Variants in HDAC2 observed in about 807,000 individuals in gnomAD.
The protein encoded by HDAC2 is histone deacetylase 2, also known as YY1-associated factor 1.
HDAC2 carries 5 observed loss-of-function variants against 68.5 expected under a neutral mutation model. That is an observed-to-expected ratio of 0.07 (90% CI 0.04 to 0.15). The LOEUF (loss-of-function observed/expected upper bound fraction) is 0.15. Among genes scored for constraint, HDAC2 ranks in the 10% least tolerant of loss-of-function variants. The pLI, the probability that HDAC2 is intolerant of heterozygous loss-of-function variation, is 1.00. For missense variants in HDAC2, 291 were observed against 600.8 expected, an observed-to-expected ratio of 0.48 and a Z score of 5.39; for synonymous variants, 182 against 191.3, an observed-to-expected ratio of 0.95 and a Z score of 0.40.
chr6:113,955,219 CTTT>C lies in HDAC2; in HGVS notation c.497+791_497+793del, dbSNP rs556132247. On this transcript the variant is annotated intron_variant, in intron 5 of 13. Transcript: ENST00000519065. ...TTGACATTTATATACACTTCTAATT[CTTT>C]TTTTTTTTTGAGATGGAGTCTCACT... Among the ~76,000 whole-genome samples, 109 of 146,186 alleles carry C rather than the reference CTTT, an allele frequency of 7.5e-4. 1 individual carries two copies. The South Asian group carries it at 0.023, about 31-fold the overall frequency.
In HDAC2 at chr6:113,937,287, T is replaced by A. The variant is rs1776022912; in HGVS notation, c.*3771A>T. ...CAGCAGTATTACTACATCAAAACCA[T>A]AAAAAACAGAAGATGTAGGTGACTA... On this transcript the variant is annotated 3_prime_UTR_variant, in exon 14 of 14. Transcript: ENST00000519065. 1 of 152,142 alleles carries A rather than the reference T, an allele frequency of 6.6e-6. No individual in the cohort carries two copies. Among genetic ancestry groups the A allele is most frequent in the African/African-American group, 2.4e-5 (1 of 41,450 alleles). The allele number at this position is 152,142 out of a possible 1,614,324, so 9.4% of individuals were successfully genotyped here. A position where few individuals can be genotyped will look rare whatever the true frequency, so the allele number is the denominator to read the frequency against.
chr6:113,953,126 A>T (rs560598601), intron 6 of HDAC2, 151 bp downstream of exon 6: 129 of 558,710 alleles, frequency 2.3e-4, no homozygotes, highest in Non-Finnish European at 3.4e-4. Context: ...GCAACAGTGA[A>T]TTCTAGCAAA....
At chr6:113,970,788 C>CG in intron 1 of HDAC2, 69 bp downstream of exon 1, 1 of 1,446,102 alleles carries the variant, frequency 6.9e-7, no homozygotes, top group Non-Finnish European at 9.0e-7. Context: ...GGCGCCCACT[C>CG]GCGACGGCAG....
chr6:113,967,207 C>A (rs1293928685), intron 1 of HDAC2, among the ~76,000 whole-genome samples: 2 of 152,164 alleles, frequency 1.3e-5, no homozygotes, highest in Non-Finnish European at 1.5e-5. Flanking sequence ...TGGCTCACTG[C>A]AACCTGCACC....
rs770249505 is a variant in HDAC2, at chr6:113,956,628, C to T, written c.349G>A (p.Gly117Ser). Residue 117 changes from glycine (G) to serine (S), a missense_variant, in exon 4 of 14, where the codon GGT becomes AGT. By Grantham distance (56) the Gly-to-Ser change is moderately conservative (BLOSUM62 0). Coordinates refer to ENST00000519065, the MANE Select transcript of HDAC2 (RefSeq NM_001527.4). ...LFEFCQLSTG[G>S]SVAGAVKLNR... is the part of the protein sequence containing the mutation. The stretch of plus-strand genomic sequence containing the variant: ...TTGCATTAGCACTTACCAACTGAAC[C>T]GCCAGTTGAGAGCTGACAAAACTCA... 3.7e-6 allele frequency: 6 copies of T among 1,609,170 alleles called. No homozygotes were observed. Among genetic ancestry groups the T allele is most frequent in the South Asian group, 1.1e-5 (1 of 90,960 alleles).
chr6:113,938,305 TCTA>T lies in HDAC2; in HGVS notation c.*2750_*2752del, dbSNP rs1776051046. ...TTCACATCCTTATACATTTTGTTCC[TCTA>T]CTATCTTTAGATATGAGCCTTTTGA... On this transcript the variant is annotated 3_prime_UTR_variant, in exon 14 of 14. Transcript: ENST00000519065. 6.6e-6 allele frequency: 1 copy of T among 152,234 alleles called. No homozygotes were observed. Among genetic ancestry groups the T allele is most frequent in the South Asian group, 2.1e-4 (1 of 4,830 alleles). The allele number at this position is 152,234 out of a possible 1,614,324, so 9.4% of individuals were successfully genotyped here.
At chr6:113,962,224 A>T (rs13216873) in intron 1 of HDAC2, 29,865 of 152,810 alleles carry the variant, frequency 0.2, 3,564 homozygotes, top group East Asian at 0.29. Flanking sequence ...ATAATAGTAA[A>T]GAAGGATGAG....
At chr6:113,953,946 A>G (rs1276670901) in intron 5 of HDAC2, among the ~76,000 whole-genome samples, 2 of 152,268 alleles carry the variant, frequency 1.3e-5, no homozygotes, top group Non-Finnish European at 2.9e-5. Context: ...GTCCATAAAA[A>G]AAGTTTTACT....
At chr6:113,943,781 G>T (rs544671308) in intron 11 of HDAC2, among the ~76,000 whole-genome samples, 1 of 152,008 alleles carries the variant, frequency 6.6e-6, no homozygotes, top group African/African-American at 2.4e-5. Flanking sequence ...AAAAAAGTGT[G>T]TTTTTCTAAT....
In HDAC2 at chr6:113,941,751, C is replaced by A; in HGVS notation, c.1393G>T (p.Asp465Tyr). 7.0e-7 allele frequency: 1 copy of A among 1,420,458 alleles called. No homozygotes were observed. Among genetic ancestry groups the A allele is most frequent in the Non-Finnish European group, 9.6e-7 (1 of 1,037,270 alleles). The allele number at this position is 1,420,458 out of a possible 1,614,324, so 88.0% of individuals were successfully genotyped here. Residue 465 changes from aspartate (D) to tyrosine (Y), a missense_variant, in exon 13 of 14, where the codon GAT (aspartate) becomes TAT (tyrosine). Asp to Tyr is a radical substitution (Grantham distance 160). Around this residue, in one of 2 missense-constraint regions of HDAC2, gnomAD observed 137 missense variants for 128.7 expected, o/e 1.06. Coordinates refer to ENST00000519065, the MANE Select transcript of HDAC2 (RefSeq NM_001527.4). ...EDKKTDVKEE[D>Y]KSKDNSGEKT... is the part of the protein sequence containing the mutation. The stretch of plus-strand genomic sequence containing the variant: ...TCACCACTGTTGTCCTTGGATTTAT[C>A]TTCTTCCTTAACGTCTAAAAATAAA...
intron 3 of HDAC2, 184 bp from the exon 4 acceptor site, chr6:113,956,877 T>G (rs948302173): frequency 3.8e-6 from 2 of 533,216 alleles, no homozygotes; most frequent in Admixed American, 6.4e-5. Flanking sequence ...GTAATTAAAG[T>G]GTTATCTGTG....
At chr6:113,945,761 T>C (rs567306414) in intron 9 of HDAC2, among the ~76,000 whole-genome samples, 3 of 152,324 alleles carry the variant, frequency 2.0e-5, no homozygotes, top group Admixed American at 2.0e-4. Context: ...TATTCAACGT[T>C]TTATTTTTAT....
chr6:113,946,549 T>C (rs927471527), intron 8 of HDAC2: 9 of 153,838 alleles, frequency 5.9e-5, no homozygotes, highest in African/African-American at 2.2e-4. Flanking sequence ...TCTTTCCCTA[T>C]GGACATGTGT....
At chr6:113,966,339 C>A (rs911481535) in intron 1 of HDAC2, among the ~76,000 whole-genome samples, 1 of 152,078 alleles carries the variant, frequency 6.6e-6, no homozygotes, top group Non-Finnish European at 1.5e-5. Flanking sequence ...CACCCCAGGT[C>A]AGGAGTTCGA....
intron 1 of HDAC2, among the ~76,000 whole-genome samples, chr6:113,965,055 C>T (rs1394234927): frequency 6.6e-6 from 1 of 152,210 alleles, no homozygotes; most frequent in Non-Finnish European, 1.5e-5. Flanking sequence ...CTATATTCCA[C>T]AACTCCTTAC....
At chr6:113,953,731 G>T (rs981788247) in intron 5 of HDAC2, among the ~76,000 whole-genome samples, 1 of 152,188 alleles carries the variant, frequency 6.6e-6, no homozygotes, top group Non-Finnish European at 1.5e-5. Flanking sequence ...ACTCAAGATT[G>T]TTAATTAAAA....
rs1278779672 is a variant in HDAC2, at chr6:113,940,092, ATGTAAGCTCTGAG to A, written c.*953_*965del. The stretch of plus-strand genomic sequence containing the variant: ...CATTTGTCTGCTTCCTGCTACTAGA[ATGTAAGCTCTGAG>A]TGTAAGCTCTGAGTGAAAGCATTTT... On this transcript the variant is annotated 3_prime_UTR_variant, in exon 14 of 14. Transcript: ENST00000519065. 4 of 152,326 alleles carry A rather than the reference ATGTAAGCTCTGAG, an allele frequency of 2.6e-5. No homozygotes were observed. The highest frequency in any genetic ancestry group is 1.9e-4 in the East Asian group (1 of 5,190). The allele number at this position is 152,326 out of a possible 1,614,324, so 9.4% of individuals were successfully genotyped here.
In HDAC2 at chr6:113,939,983, G is replaced by A. The variant is rs1776094322; in HGVS notation, c.*1075C>T. ...ATCTCAAAAGAATCAATGTGGGCCT[G>A]ACAAAAAGGGAGATTTCACTGATTT... On this transcript the variant is annotated 3_prime_UTR_variant, in exon 14 of 14. Coordinates refer to ENST00000519065, the MANE Select transcript of HDAC2 (RefSeq NM_001527.4). 2.0e-5 allele frequency: 3 copies of A among 152,162 alleles called. No homozygotes were observed. The highest frequency in any genetic ancestry group is 2.9e-5 in the Non-Finnish European group (2 of 68,016). 9.4% of individuals were successfully genotyped at this position (152,162 alleles called of 1,614,324 possible).
chr6:113,941,984 C>T lies in HDAC2; in HGVS notation c.1379-219G>A, dbSNP rs922453149. Among the ~76,000 whole-genome samples, 7 of 151,874 alleles carry T rather than the reference C, an allele frequency of 4.6e-5. No homozygotes were observed. In the East Asian group the frequency reaches 1.3e-3, roughly 29 times the overall value. On this transcript the variant is annotated intron_variant, in intron 12 of 13. Coordinates refer to ENST00000519065, the MANE Select transcript of HDAC2 (RefSeq NM_001527.4). ...TGGGGTGCAGAGGGAGAAAAGGTGG[C>T]CCTAACTCTAGGTTTTGACCTATAG...
Sources: allele counts gnomAD v4.1 joint callset (sites outside exome capture counted in the v4.1 genomes callset), GRCh38; gene constraint gnomAD v4.1.1; regional missense constraint gnomAD v4.1.1; transcripts MANE v1.5; gene names NCBI Gene and HGNC (gene_info 2026-07-23, HGNC 2026-07-21).